The following USP36 variants were observed in gnomAD, a reference collection of about 807,000 sequenced individuals.
USP36 encodes the protein ubiquitin specific peptidase 36.
USP36 carries 59 observed loss-of-function variants against 111.5 expected under a neutral mutation model. The observed-to-expected ratio is 0.53, with a 90% CI of 0.43 to 0.66. The LOEUF is 0.66. Ranked by LOEUF, USP36 falls within the 30% of genes least tolerant of loss-of-function variation. USP36 has a pLI of 0.00. For synonymous variants in USP36, 628 were observed against 581.0 expected (o/e 1.08, Z -1.16); for missense variants, 1,488 against 1,468.0 (o/e 1.01, Z -0.22).
At chr17:78,790,841 G>C (rs184443218), downstream of USP36, among the ~76,000 whole-genome samples, 3 of 152,288 alleles carry the variant, frequency 2.0e-5, no homozygotes, top group African/African-American at 7.2e-5. Flanking sequence ...TAAATACCTA[G>C]ATCCTGCTTA....
rs564790409 is a variant in USP36 at position 78,810,397 on chromosome 17, C to T, written c.1407+2463G>A. ...TAATCTCCCTGGCTCAAGTGATCCTCCCACCTCAGCCTCCTGAGTAGCTGG... is the reference window on the plus strand; with the variant it reads ...TAATCTCCCTGGCTCAAGTGATCCTTCCACCTCAGCCTCCTGAGTAGCTGG... On this transcript the variant is annotated intron_variant, in intron 13 of 20. Transcript: ENST00000449938. Among the ~76,000 whole-genome samples, 16 of 152,300 alleles carry T rather than the reference C, an allele frequency of 1.1e-4. No individual in the cohort carries two copies. In the South Asian group the frequency reaches 2.9e-3, roughly 28 times the overall value.
At chr17:78,814,936 C>A (rs185151472) in intron 10 of USP36, among the ~76,000 whole-genome samples, 2 of 151,758 alleles carry the variant, frequency 1.3e-5, no homozygotes, top group East Asian at 3.9e-4. Flanking sequence ...GGCGACAGAG[C>A]GAGACTGTCT....
intron 8 of USP36, among the ~76,000 whole-genome samples, chr17:78,820,416 T>C (rs569525149): frequency 7.9e-5 from 12 of 152,292 alleles, no homozygotes; most frequent in East Asian, 1.9e-4. Context: ...TGAGCTATGA[T>C]TGCGCCACTG....
At chr17:78,821,421 T>TATATATATATATATATA (rs1491310696) in intron 7 of USP36, 11 of 26,972 alleles carry the variant, frequency 4.1e-4, no homozygotes, top group East Asian at 1.1e-3. Flanking sequence ...TATATATATA[T>TATATATATATATATATA]TTTTTTTTTT....
At chr17:78,837,705 T>C (rs778484818) in intron 2 of USP36, among the ~76,000 whole-genome samples, 13 of 152,184 alleles carry the variant, frequency 8.5e-5, no homozygotes, top group Admixed American at 4.6e-4. Flanking sequence ...ATTTCAAAAA[T>C]ATGTCCCTTA....
chr17:78,799,787 A>C lies in USP36; in HGVS notation c.3023-19T>G. On this transcript the variant is annotated intron_variant, in intron 17 of 20. Transcript: ENST00000449938. ...CTCAGCCCTGCAATCGGAGCAGCCAAGAAACATTTACAGACGTTTAAAATA... is the reference window on the plus strand; with the variant it reads ...CTCAGCCCTGCAATCGGAGCAGCCACGAAACATTTACAGACGTTTAAAATA... 6.3e-7 allele frequency: 1 copy of C among 1,582,700 alleles called. No homozygotes were observed. Among genetic ancestry groups the C allele is most frequent in the East Asian group, 2.4e-5 (1 of 42,320 alleles).
At chr17:78,836,031 C>G in intron 3 of USP36, 80 bp downstream of exon 3, 2 of 1,552,138 alleles carry the variant, frequency 1.3e-6, no homozygotes, top group Admixed American at 4.0e-5. Flanking sequence ...GTTTTTCCTA[C>G]TAATTAGTCA....
chr17:78,822,156 T>A (rs1250166152), intron 6 of USP36, 152 bp from the exon 7 acceptor site: 1 of 824,300 alleles, frequency 1.2e-6, no homozygotes, highest in Non-Finnish European at 1.9e-6. Context: ...ACCCTTAACC[T>A]CCATCCTCAG....
chr17:78,820,694 G>A (rs960622115), intron 8 of USP36, among the ~76,000 whole-genome samples: 2 of 152,132 alleles, frequency 1.3e-5, no homozygotes, highest in African/African-American at 4.8e-5. Flanking sequence ...AAGGCTGCAC[G>A]CCGCCCAGAG....
At position 78,798,586 on chromosome 17, in the gene USP36, A is replaced by T; in HGVS notation, c.3241-35T>A. 6.2e-7 allele frequency: 1 copy of T among 1,608,306 alleles called. No individual in the cohort carries two copies. On this transcript the variant is annotated intron_variant, in intron 19 of 20. Coordinates refer to ENST00000449938, the MANE Select transcript of USP36 (RefSeq NM_001385174.1). This position sits in a 1 kb window ranked among gnomAD's most constrained non-coding sequence, Gnocchi z 5.1. ...GAATCACAGGCATCACAGTTCCCAA[A>T]AACGGCTCTTTCCTGGCCCACGGGG...
At position 78,807,041 on chromosome 17, in the gene USP36, G is replaced by A. The variant is rs753610612; in HGVS notation, c.2003C>T (p.Pro668Leu). ...CTCAGTGGTGGTGTTGCTCAGGACAGGGGACTTCAGCTTCACCGTCTTAGA... is the reference window on the plus strand; with the variant it reads ...CTCAGTGGTGGTGTTGCTCAGGACAAGGGACTTCAGCTTCACCGTCTTAGA... ...ADSKTVKLKS[P>L]VLSNTTTEPA... Residue 668 changes from proline (P) to leucine (L), a missense_variant, in exon 14 of 21, where the codon CCT (proline) becomes CTT (leucine). Pro to Leu is a moderately conservative substitution (Grantham distance 98). This residue lies in a region of USP36 where 1,073 missense variants were observed against 994.1 expected (regional missense o/e 1.08). Transcript: ENST00000449938. The A allele has an allele frequency of 1.2e-6, 2 of 1,614,258 alleles. No homozygotes were observed. The highest frequency in any genetic ancestry group is 3.3e-5 in the Admixed American group (2 of 60,028).
chr17:78,818,301 G>A (rs1329887140), intron 10 of USP36, among the ~76,000 whole-genome samples: 1 of 152,046 alleles, frequency 6.6e-6, no homozygotes, highest in Non-Finnish European at 1.5e-5. Flanking sequence ...CAGAAGCTGC[G>A]GTAAATCCAT....
chr17:78,832,132 A>G (rs1599099139), intron 4 of USP36, among the ~76,000 whole-genome samples: 1 of 151,076 alleles, frequency 6.6e-6, no homozygotes, highest in East Asian at 1.9e-4. Context: ...GGACATAGAG[A>G]GATTTGGGAA....
Position 78,803,277 on chromosome 17 carries a change from A to T in USP36, c.2810+108T>A. ...TCACAAATCCACATTTTAGAAAACCACGCAAGCAGACTACGTTTCCAGACC... is the reference window on the plus strand; with the variant it reads ...TCACAAATCCACATTTTAGAAAACCTCGCAAGCAGACTACGTTTCCAGACC... On this transcript the variant is annotated intron_variant, in intron 16 of 20. Transcript: ENST00000449938. The surrounding 1 kb of genome is among the most constrained non-coding windows in gnomAD (Gnocchi z 4.6). The T allele has an allele frequency of 8.0e-7, 1 of 1,254,416 alleles. No homozygotes were observed. The highest frequency in any genetic ancestry group is 1.1e-6 in the Non-Finnish European group (1 of 900,168). 77.7% of individuals were successfully genotyped at this position (1,254,416 alleles called of 1,614,324 possible).
At chr17:78,791,551 G>C (rs1057358911), downstream of USP36, among the ~76,000 whole-genome samples, 1 of 152,206 alleles carries the variant, frequency 6.6e-6, no homozygotes. Context: ...GTTTGGTACA[G>C]ATTCTGCTAA....
rs918356663 is a variant in USP36, at chr17:78,838,653, G to C, written c.-76C>G. On this transcript the variant is annotated 5_prime_UTR_variant, in exon 2 of 21. Transcript: ENST00000449938. ...GGAACCAGGATCTTAACGGAGGGCT[G>C]AGTTTGGTTGGGCAGGTGCTACGCG... The C allele has an allele frequency of 2.3e-4, 35 of 152,382 alleles. No homozygotes were observed. The highest frequency in any genetic ancestry group is 8.2e-4 in the African/African-American group (34 of 41,554). 9.4% of individuals were successfully genotyped at this position (152,382 alleles called of 1,614,324 possible). A position where few individuals can be genotyped will look rare whatever the true frequency, so the allele number is the denominator to read the frequency against.
chr17:78,814,124 C>G (rs2094128917), intron 11 of USP36, among the ~76,000 whole-genome samples: 2 of 152,178 alleles, frequency 1.3e-5, no homozygotes, highest in African/African-American at 4.8e-5. Flanking sequence ...AAAGGACATT[C>G]AGGCAGTGTC....
Position 78,797,175 on chromosome 17 carries a change from C to A in USP36, c.*725G>T, listed in dbSNP as rs929170182. On this transcript the variant is annotated 3_prime_UTR_variant, in exon 21 of 21. Transcript: ENST00000449938. ...CGGGTTATTGCAGCTGCAAGGGAAGCTACAGCACAGTCGTCTCAGAATAAA... is the reference window on the plus strand; with the variant it reads ...CGGGTTATTGCAGCTGCAAGGGAAGATACAGCACAGTCGTCTCAGAATAAA... The A allele has an allele frequency of 5.3e-5, 8 of 152,252 alleles. No individual in the cohort carries two copies. Among genetic ancestry groups the A allele is most frequent in the African/African-American group, 1.9e-4 (8 of 41,460 alleles). 9.4% of individuals were successfully genotyped at this position (152,252 alleles called of 1,614,324 possible).
intron 2 of USP36, among the ~76,000 whole-genome samples, chr17:78,836,682 G>A (rs1225651371): frequency 6.6e-6 from 1 of 152,132 alleles, no homozygotes; most frequent in African/African-American, 2.4e-5. Context: ...CTCATCAAGT[G>A]GCTCTGGACA....
Sources: allele counts gnomAD v4.1 joint callset (sites outside exome capture counted in the v4.1 genomes callset), GRCh38; gene constraint gnomAD v4.1.1; regional missense constraint gnomAD v4.1.1; non-coding constraint Gnocchi (gnomAD v3.1); transcripts MANE v1.5; gene names NCBI Gene and HGNC (gene_info 2026-07-23, HGNC 2026-07-21).